The following SPATA6 variants were observed in gnomAD, a reference collection of about 807,000 sequenced individuals.
SPATA6 encodes the protein spermatogenesis-associated protein 6.
In SPATA6, 56 loss-of-function variants were observed where a neutral mutation model predicts 65.3. The observed-to-expected ratio is 0.86, with a 90% confidence interval of 0.69 to 1.07. The LOEUF (loss-of-function observed/expected upper bound fraction) is 1.07, where lower values mean the gene tolerates loss of function less well. Ranked by LOEUF, SPATA6 falls within the 50% of genes least tolerant of loss-of-function variation. The pLI is 0.00. For missense variants in SPATA6, 590 were observed against 594.8 expected, an observed-to-expected ratio of 0.99 and a Z score of 0.08; for synonymous variants, 199 against 213.2, an observed-to-expected ratio of 0.93 and a Z score of 0.58.
At chr1:48,356,807 C>T (rs1646674514) in intron 10 of SPATA6, among the ~76,000 whole-genome samples, 1 of 151,966 alleles carries the variant, frequency 6.6e-6, no homozygotes, top group African/African-American at 2.4e-5. Flanking sequence ...TTCTTAAAAG[C>T]TACAATATCA....
intron 1 of SPATA6, among the ~76,000 whole-genome samples, chr1:48,460,167 T>C (rs1249764744): frequency 6.6e-6 from 1 of 152,002 alleles, no homozygotes; most frequent in East Asian, 1.9e-4. Context: ...GGTCTCACTA[T>C]GTTGCCCAAA....
intron 12 of SPATA6, among the ~76,000 whole-genome samples, chr1:48,301,046 A>G (rs1644925584): frequency 6.6e-6 from 1 of 152,156 alleles, no homozygotes; most frequent in African/African-American, 2.4e-5. Context: ...AGCCAGAGCA[A>G]TTAGGCAAAT....
At chr1:48,442,327 T>A (rs1453846647) in intron 3 of SPATA6, among the ~76,000 whole-genome samples, 3 of 152,096 alleles carry the variant, frequency 2.0e-5, no homozygotes, top group Non-Finnish European at 2.9e-5. Flanking sequence ...CATGCTGCAA[T>A]ATGGAAAGAA....
chr1:48,314,641 C>T (rs1485401589), intron 11 of SPATA6, among the ~76,000 whole-genome samples: 1 of 152,058 alleles, frequency 6.6e-6, no homozygotes, highest in African/African-American at 2.4e-5. Context: ...ACTACAGAAG[C>T]AAGAGCAAAC....
Position 48,399,482 on chromosome 1 carries a change from A to G in SPATA6, c.649T>C (p.Ser217Pro). The change falls in exon 7 of 13, where the codon TCT becomes CCT. Residue 217 changes from serine (S) to proline (P), a missense_variant. Coordinates refer to ENST00000371847, the MANE Select transcript of SPATA6 (RefSeq NM_019073.4). Reference protein sequence around the residue: ...EQPTISSKSHSPSPYTKRRMC... With the variant: ...EQPTISSKSHPPSPYTKRRMC... ...CGTCTTTTTGTGTAGGGAGATGGAG[A>G]GTGTGATTTTGAAGAAATTGTAGGC... The G allele has an allele frequency of 6.2e-7, 1 of 1,613,012 alleles. No homozygotes were observed. The highest frequency in any genetic ancestry group is 8.5e-7 in the Non-Finnish European group (1 of 1,179,412).
At chr1:48,368,164 A>C (rs185939687) in intron 9 of SPATA6, among the ~76,000 whole-genome samples, 2 of 152,170 alleles carry the variant, frequency 1.3e-5, no homozygotes, top group Admixed American at 1.3e-4. Context: ...CCAAGAGATC[A>C]GCTGTTAGTC....
intron 3 of SPATA6, among the ~76,000 whole-genome samples, chr1:48,430,488 A>C (rs941592119): frequency 3.9e-5 from 6 of 152,194 alleles, no homozygotes; most frequent in African/African-American, 1.2e-4. Context: ...AGAGAGTCCT[A>C]AAGGGTGAAA....
Position 48,395,369 on chromosome 1 carries a change from AT to A in SPATA6, c.781-16del. 6.6e-7 allele frequency: 1 copy of A among 1,517,812 alleles called. No individual in the cohort carries two copies. Among genetic ancestry groups the A allele is most frequent in the South Asian group, 1.3e-5 (1 of 75,808 alleles). The allele number at this position is 1,517,812 out of a possible 1,614,324, so 94.0% of individuals were successfully genotyped here. A position where few individuals can be genotyped will look rare whatever the true frequency, so the allele number is the denominator to read the frequency against. On this transcript the variant is annotated splice_polypyrimidine_tract_variant and intron_variant, in intron 7 of 12. Coordinates refer to ENST00000371847, the MANE Select transcript of SPATA6 (RefSeq NM_019073.4). The stretch of plus-strand genomic sequence containing the variant: ...GGGGGATCAACCTAGAGGAAGCAGG[AT>A]TTTTATGTAAAAGAGAGTTTAAACA...
intron 9 of SPATA6, among the ~76,000 whole-genome samples, chr1:48,364,823 G>A (rs1646943985): frequency 6.6e-6 from 1 of 152,114 alleles, no homozygotes; most frequent in African/African-American, 2.4e-5. Context: ...TTTGTCAATT[G>A]TGGCTTTTGT....
chr1:48,364,032 A>G (rs1013148393), intron 9 of SPATA6, among the ~76,000 whole-genome samples: 5 of 151,396 alleles, frequency 3.3e-5, no homozygotes, highest in Non-Finnish European at 4.4e-5. Context: ...ATTCCCACCT[A>G]TGAATGAGAA....
intron 11 of SPATA6, among the ~76,000 whole-genome samples, chr1:48,354,966 T>G (rs1646616154): frequency 6.6e-6 from 1 of 152,066 alleles, no homozygotes; most frequent in Admixed American, 6.6e-5. Flanking sequence ...ATATAGAAAC[T>G]TAAAACTGTA....
At chr1:48,313,552 C>T (rs765705025) in intron 11 of SPATA6, among the ~76,000 whole-genome samples, 1 of 152,132 alleles carries the variant, frequency 6.6e-6, no homozygotes, top group African/African-American at 2.4e-5. Flanking sequence ...AAGCACTAAA[C>T]ATCGAAAGGA....
rs1319260208 is a variant in SPATA6 at position 48,364,115 on chromosome 1, TA to T, written c.910-4346del. Among the ~76,000 whole-genome samples the T allele has an allele frequency of 2.0e-5, 3 of 152,310 alleles. No individual in the cohort carries two copies. The East Asian group carries it at 5.8e-4, about 29-fold the overall frequency. On this transcript the variant is annotated intron_variant, in intron 9 of 12. Coordinates refer to ENST00000371847, the MANE Select transcript of SPATA6 (RefSeq NM_019073.4). ...TGATTTCCAATTTCATCCATGTCCC[TA>T]CAAAGGACATGAACTCATCATTTTT... is the stretch of plus-strand genomic sequence containing the variant.
chr1:48,301,488 C>T (rs1277565555), intron 12 of SPATA6, among the ~76,000 whole-genome samples: 2 of 151,502 alleles, frequency 1.3e-5, no homozygotes, highest in Non-Finnish European at 2.9e-5. Flanking sequence ...TGACATTCTA[C>T]ACAGCAATAA....
At chr1:48,394,854 C>T (rs1650429588) in intron 8 of SPATA6, among the ~76,000 whole-genome samples, 1 of 151,900 alleles carries the variant, frequency 6.6e-6, no homozygotes, top group South Asian at 2.1e-4. Flanking sequence ...ACTTAAGAAG[C>T]AACTTATCTA....
intron 11 of SPATA6, among the ~76,000 whole-genome samples, chr1:48,318,461 G>A (rs1017821459): frequency 7.9e-5 from 12 of 152,104 alleles, no homozygotes; most frequent in Non-Finnish European, 5.9e-5. Context: ...AAAATGCATT[G>A]TATTCCTAAA....
chr1:48,397,344 A>C (rs1650696419), intron 7 of SPATA6, among the ~76,000 whole-genome samples: 1 of 151,728 alleles, frequency 6.6e-6, no homozygotes. Context: ...GAAATGGTAA[A>C]CTTACGTATA....
At chr1:48,450,380 T>A (rs1656453487) in intron 3 of SPATA6, among the ~76,000 whole-genome samples, 1 of 150,582 alleles carries the variant, frequency 6.6e-6, no homozygotes, top group Non-Finnish European at 1.5e-5. Flanking sequence ...GAAAGAAAAT[T>A]TCCAAAAAAT....
intron 5 of SPATA6, among the ~76,000 whole-genome samples, chr1:48,409,162 T>G (rs767489151): frequency 6.6e-6 from 1 of 152,092 alleles, no homozygotes; most frequent in East Asian, 1.9e-4. Flanking sequence ...ACAACGGGGG[T>G]ATAGGCATTG....
Sources: allele counts gnomAD v4.1 joint callset (sites outside exome capture counted in the v4.1 genomes callset), GRCh38; gene constraint gnomAD v4.1.1; transcripts MANE v1.5; gene names NCBI Gene and HGNC (gene_info 2026-07-23, HGNC 2026-07-21).